Variants in STK36 observed in about 807,000 individuals in gnomAD.
STK36 encodes serine/threonine kinase 36.
In STK36, 116 loss-of-function variants were observed where a neutral mutation model predicts 142.2. That is an observed-to-expected ratio of 0.82 (90% CI 0.70 to 0.95). STK36 has a LOEUF of 0.95. Among genes scored for constraint, STK36 ranks in the 40% least tolerant of loss-of-function variants. The pLI, the probability that STK36 is intolerant of heterozygous loss-of-function variation, is 0.00. For synonymous variants in STK36, 619 were observed against 641.7 expected, an observed-to-expected ratio of 0.96 and a Z score of 0.53; for missense variants, 1,422 against 1,617.2, an observed-to-expected ratio of 0.88 and a Z score of 2.07.
chr2:218,698,848 G>A lies in STK36; in HGVS notation c.3304G>A (p.Glu1102Lys). 1 of 1,614,204 alleles carries A rather than the reference G, an allele frequency of 6.2e-7. No individual in the cohort carries two copies. The highest frequency in any genetic ancestry group is 1.1e-5 in the South Asian group (1 of 91,086). The change falls in exon 26 of 27, where the codon GAG becomes AAG. Residue 1102 changes from glutamate (E) to lysine (K), a missense_variant. Transcript: ENST00000295709. ...LSPSHLSFIQ[E>K]LLAGSDESYR... ...TCCCAGCCACTTGTCCTTTATCCAAGAGCTTCTGGCTGGCTCTGATGAATC... is the reference window on the plus strand; with the variant it reads ...TCCCAGCCACTTGTCCTTTATCCAAAAGCTTCTGGCTGGCTCTGATGAATC...
At chr2:218,685,622 A>G (rs1427534444) in intron 11 of STK36, among the ~76,000 whole-genome samples, 4 of 152,204 alleles carry the variant, frequency 2.6e-5, no homozygotes, top group African/African-American at 9.6e-5. Context: ...CTACAGGTAC[A>G]CTAGTGAGAA....
At chr2:218,693,485 C>T in intron 17 of STK36, 141 bp downstream of exon 17, 1 of 876,426 alleles carries the variant, frequency 1.1e-6, no homozygotes, top group South Asian at 1.7e-5. Context: ...TTGGAAGACT[C>T]CTTTCTGCTT....
Position 218,693,800 on chromosome 2 carries a change from G to C in STK36, c.2226G>C (p.Leu742=). Residue 742 remains leucine (L), a synonymous_variant, in exon 18 of 27, where the codon CTG becomes CTC. Coordinates refer to ENST00000295709, the MANE Select transcript of STK36 (RefSeq NM_015690.5). ...LGQEPLALES[L]FMLIQGKVKV... The stretch of plus-strand genomic sequence containing the variant: ...AGGAGCCCCTGGCCTTGGAATCCCT[G>C]TTTATGTTGATTCAGGGCAAGGTAA... 8 of 1,614,138 alleles carry C rather than the reference G, an allele frequency of 5.0e-6. No individual in the cohort carries two copies. The highest frequency in any genetic ancestry group is 6.8e-6 in the Non-Finnish European group (8 of 1,180,050).
At chr2:218,680,830 T>C in intron 10 of STK36, 128 bp downstream of exon 10, 2 of 660,940 alleles carry the variant, frequency 3.0e-6, no homozygotes, top group Non-Finnish European at 5.1e-6. Flanking sequence ...AAGTATTGCT[T>C]TATTATTATA....
At chr2:218,687,563 C>T (rs886873291) in intron 11 of STK36, among the ~76,000 whole-genome samples, 5 of 152,178 alleles carry the variant, frequency 3.3e-5, no homozygotes, top group Non-Finnish European at 7.3e-5. Flanking sequence ...GGCGCTAACA[C>T]GTTTTCCTCC....
chr2:218,688,366 G>A lies in STK36; in HGVS notation c.1381-331G>A, dbSNP rs116656979. 9.1e-4 allele frequency: 455 copies of A among 499,250 alleles called. 2 individuals are homozygous for A. The highest frequency in any genetic ancestry group is 8.2e-3 in the African/African-American group (424 of 51,822). 30.9% of individuals were successfully genotyped at this position (499,250 alleles called of 1,614,324 possible). A position where few individuals can be genotyped will look rare whatever the true frequency, so the allele number is the denominator to read the frequency against. On this transcript the variant is annotated intron_variant, in intron 11 of 26. Transcript: ENST00000295709. ...GTTTTGAATTTTCAGAAGCATGTGC[G>A]GTGCACGTGTTTTTTGTTTTTAAGG... is the stretch of plus-strand genomic sequence containing the variant.
chr2:218,673,931 A>G lies in STK36; in HGVS notation c.278A>G (p.Asp93Gly). The stretch of plus-strand genomic sequence containing the variant: ...GGAGAGCTCTTTCAGATCCTAGAAG[A>G]TGACGGAAAACTTCCTGAAGACCAG... The part of the protein sequence containing the change: ...AEGELFQILE[D>G]DGKLPEDQVQ... The change falls in exon 4 of 27, where the codon GAT (aspartate) becomes GGT (glycine). Residue 93 changes from aspartate to glycine, a missense_variant. Physicochemically the swap from Asp to Gly is moderately conservative, Grantham distance 94 (BLOSUM62 -1). Transcript: ENST00000295709. 3 of 1,614,100 alleles carry G rather than the reference A, an allele frequency of 1.9e-6. No individual in the cohort carries two copies. Among genetic ancestry groups the G allele is most frequent in the Non-Finnish European group, 2.5e-6 (3 of 1,180,006 alleles).
At position 218,694,612 on chromosome 2, in the gene STK36, C is replaced by T; in HGVS notation, c.2488C>T (p.His830Tyr). 1 of 1,614,224 alleles carries T rather than the reference C, an allele frequency of 6.2e-7. No homozygotes were observed. Among genetic ancestry groups the T allele is most frequent in the Non-Finnish European group, 8.5e-7 (1 of 1,180,028 alleles). Residue 830 changes from histidine to tyrosine, a missense_variant, in exon 21 of 27, where the codon CAT becomes TAT. By Grantham distance (83) the His-to-Tyr change is moderately conservative. Around this residue, in one of 2 missense-constraint regions of STK36, gnomAD observed 962 missense variants for 1,167.5 expected, o/e 0.82. Coordinates refer to ENST00000295709, the MANE Select transcript of STK36 (RefSeq NM_015690.5). This position sits in a 1 kb window ranked among gnomAD's most constrained non-coding sequence, Gnocchi z 4.4. ...QPMEWMAAAT[H>Y]ALSAPAEVRL... is the part of the protein sequence containing the mutation. ...CATGGAATGGATGGCTGCAGCCACA[C>T]ATGCCTTGTCTGCCCCTGCAGAGGT... is the stretch of plus-strand genomic sequence containing the variant.
chr2:218,679,628 G>A lies in STK36; in HGVS notation c.847G>A (p.Val283Ile), dbSNP rs1193977021. The change falls in exon 8 of 27, where the codon GTC becomes ATC. Residue 283 changes from valine (V) to isoleucine (I), a missense_variant. Around this residue, in one of 2 missense-constraint regions of STK36, gnomAD observed 460 missense variants for 449.6 expected, o/e 1.02. Transcript: ENST00000295709. Reference sequence around the variant, plus strand: ...CAGCCGCCTACCCCCAGAACTTCAGGTCCTAAAGGACGAACAGGCCCATCG... The same window carrying A: ...CAGCCGCCTACCCCCAGAACTTCAGATCCTAAAGGACGAACAGGCCCATCG... ...FTSRLPPELQ[V>I]LKDEQAHRLA... 6.2e-7 allele frequency: 1 copy of A among 1,614,114 alleles called. No individual in the cohort carries two copies. Among genetic ancestry groups the A allele is most frequent in the Non-Finnish European group, 8.5e-7 (1 of 1,180,020 alleles).
chr2:218,672,486 G>C (rs1324243600), intron 1 of STK36: 12 of 326,462 alleles, frequency 3.7e-5, no homozygotes, highest in Non-Finnish European at 4.7e-5. Flanking sequence ...GGTTGGGCGA[G>C]GCTAGGTTGA....
At chr2:218,680,202 A>T (rs1940452142) in intron 9 of STK36, 122 bp downstream of exon 9, 4 of 905,160 alleles carry the variant, frequency 4.4e-6, no homozygotes. Context: ...TAGAGCCTCG[A>T]GAGTCTGAGT....
At position 218,674,076 on chromosome 2, in the gene STK36, A is replaced by C. The variant is rs7604319; in HGVS notation, c.303+120A>C. 0.34 allele frequency: 317,616 copies of C among 943,152 alleles called. 59,047 individuals carry two copies. Among genetic ancestry groups the C allele is most frequent in the Non-Finnish European group, 0.38 (239,800 of 629,226 alleles). The allele number at this position is 943,152 out of a possible 1,614,324, so 58.4% of individuals were successfully genotyped here. A position where few individuals can be genotyped will look rare whatever the true frequency, so the allele number is the denominator to read the frequency against. Reference sequence around the variant, plus strand: ...CAAAGACTTCTGAGAAGAATATAAGAGTCTAGGTATATAGAGGCAGTGTAG... The same window carrying C: ...CAAAGACTTCTGAGAAGAATATAAGCGTCTAGGTATATAGAGGCAGTGTAG... On this transcript the variant is annotated intron_variant, in intron 4 of 26. Transcript: ENST00000295709.
chr2:218,695,899 C>T (rs1374420457), intron 21 of STK36, among the ~76,000 whole-genome samples: 4 of 131,784 alleles, frequency 3.0e-5, no homozygotes, highest in Non-Finnish European at 6.3e-5. Flanking sequence ...CAGTCTCACT[C>T]TGTCACCAGG....
At position 218,688,744 on chromosome 2, in the gene STK36, C is replaced by G; in HGVS notation, c.1428C>G (p.Phe476Leu). 6.2e-7 allele frequency: 1 copy of G among 1,614,102 alleles called. No individual in the cohort carries two copies. The highest frequency in any genetic ancestry group is 8.5e-7 in the Non-Finnish European group (1 of 1,179,978). The part of the protein sequence containing the change: ...LEGASHILPA[F>L]RVLSSLLSSC... ...GTGCTTCCCACATCCTGCCTGCATT[C>G]CGGGTCCTGAGCAGTCTTCTCTCCA... The change falls in exon 12 of 27, where the codon TTC becomes TTG. Residue 476 changes from phenylalanine (F) to leucine (L), a missense_variant. Coordinates refer to ENST00000295709, the MANE Select transcript of STK36 (RefSeq NM_015690.5).
rs372568401 is a variant in STK36, at chr2:218,699,238, G to A, written c.3694G>A (p.Glu1232Lys). The A allele has an allele frequency of 2.1e-5, 34 of 1,613,818 alleles. No individual in the cohort carries two copies. Among genetic ancestry groups the A allele is most frequent in the Admixed American group, 1.0e-4 (6 of 59,964 alleles). ...EGLGEELLQC[E>K]VPQRLLEMAC... ...TTTGGGAGAGGAGCTGTTACAGTGC[G>A]AAGTACCCCAGCGGCTCCTAGAAAT... The change falls in exon 26 of 27, where the codon GAA becomes AAA. Residue 1232 changes from glutamate to lysine, a missense_variant. Physicochemically the swap from Glu to Lys is moderately conservative, Grantham distance 56 (BLOSUM62 1). Transcript: ENST00000295709.
chr2:218,677,657 A>G (rs1940316306), intron 6 of STK36, among the ~76,000 whole-genome samples: 1 of 152,244 alleles, frequency 6.6e-6, no homozygotes, highest in African/African-American at 2.4e-5. Context: ...CTTTCAGTCC[A>G]AAGCTATCAG....
chr2:218,676,189 C>T lies in STK36; in HGVS notation c.595C>T (p.Pro199Ser). Residue 199 changes from proline (P) to serine (S), a missense_variant, in exon 6 of 27, where the codon CCC becomes TCC. This residue lies in a region of STK36 where 460 missense variants were observed against 449.6 expected (regional missense o/e 1.02). Transcript: ENST00000295709. ...ATATGAACTGGCAGTAGGCACCCCT[C>T]CCTTCTATGCTACAAGCATCTTTCA... Reference protein sequence around the residue: ...ILYELAVGTPPFYATSIFQLV... With the variant: ...ILYELAVGTPSFYATSIFQLV... The T allele has an allele frequency of 6.2e-7, 1 of 1,614,204 alleles. No individual in the cohort carries two copies. The highest frequency in any genetic ancestry group is 1.1e-5 in the South Asian group (1 of 91,084).
In STK36 at chr2:218,698,917, G is replaced by A. The variant is rs752842503; in HGVS notation, c.3373G>A (p.Val1125Met). Residue 1125 changes from valine to methionine, a missense_variant, in exon 26 of 27, where the codon GTG becomes ATG. Coordinates refer to ENST00000295709, the MANE Select transcript of STK36 (RefSeq NM_015690.5). ...CCTCCTGGGCCACCCAGAGAATTCT[G>A]TGCGGGCACACACTTATAGGCTCCT... ...RSLLGHPENS[V>M]RAHTYRLLGH... 4 of 1,614,044 alleles carry A rather than the reference G, an allele frequency of 2.5e-6. No homozygotes were observed. Among genetic ancestry groups the A allele is most frequent in the Non-Finnish European group, 2.5e-6 (3 of 1,180,034 alleles).
chr2:218,685,787 A>T (rs1235822970), intron 11 of STK36, among the ~76,000 whole-genome samples: 1 of 152,174 alleles, frequency 6.6e-6, no homozygotes, highest in African/African-American at 2.4e-5. Context: ...TGTGTTGCTT[A>T]TATCACTTTA....
Sources: allele counts gnomAD v4.1 joint callset (sites outside exome capture counted in the v4.1 genomes callset), GRCh38; gene constraint gnomAD v4.1.1; regional missense constraint gnomAD v4.1.1; non-coding constraint Gnocchi (gnomAD v3.1); transcripts MANE v1.5; gene names NCBI Gene and HGNC (gene_info 2026-07-23, HGNC 2026-07-21).